PDSS2: variants seen among roughly 807,000 people sequenced by gnomAD.
The protein encoded by PDSS2 is decaprenyl diphosphate synthase subunit 2.
In PDSS2, 31 loss-of-function variants were observed where a neutral mutation model predicts 44.5. The ratio of observed to expected loss-of-function variants is 0.70; its 90% CI spans 0.52 to 0.94. The LOEUF (loss-of-function observed/expected upper bound fraction) is 0.94. PDSS2 is among the 40% of genes least tolerant of loss of function. The probability of loss-of-function intolerance (pLI) is 0.00; values close to 1 mark genes in which losing one functional copy is unlikely to be tolerated. For missense variants in PDSS2, 452 were observed against 482.2 expected (o/e 0.94, Z 0.59); for synonymous variants, 157 against 180.3 (o/e 0.87, Z 1.03).
In PDSS2 at chr6:107,154,290, C is replaced by CT; in HGVS notation, c.*328dup. The CT allele has an allele frequency of 1.4e-5, 5 of 348,908 alleles. No homozygotes were observed. The highest frequency in any genetic ancestry group is 1.2e-4 in the South Asian group (5 of 41,200). The allele number at this position is 348,908 out of a possible 1,614,324, so 21.6% of individuals were successfully genotyped here. ...GCAGGAAAAACCACAGGCCACCGCC[C>CT]TGGCGCCATCCCTGGCTCGGTCCAA... On this transcript the variant is annotated 3_prime_UTR_variant, in exon 8 of 8. Transcript: ENST00000369037.
In PDSS2 at chr6:107,228,707, TAAATAAATAAATAAAC is replaced by T. The variant is rs1183556539; in HGVS notation, c.703-16441_703-16426del. Among the ~76,000 whole-genome samples, 42 of 111,754 alleles carry T rather than the reference TAAATAAATAAATAAAC, an allele frequency of 3.8e-4. 1 individual carries two copies. Among genetic ancestry groups the T allele is most frequent in the Admixed American group, 1.5e-3 (16 of 10,596 alleles). The allele number at this position is 111,754 out of a possible 152,430, so 73.3% of individuals were successfully genotyped here. ...GAGACTCTATCTCAAAATAAATAAA[TAAATAAATAAATAAAC>T]AAACAAACAAACAAACAAACAAACA... On this transcript the variant is annotated intron_variant, in intron 4 of 7. Coordinates refer to ENST00000369037, the MANE Select transcript of PDSS2 (RefSeq NM_020381.4).
intron 1 of PDSS2, among the ~76,000 whole-genome samples, chr6:107,364,702 G>T (rs1007428217): frequency 6.6e-6 from 1 of 151,876 alleles, no homozygotes. Flanking sequence ...ACAGTGCAGT[G>T]GGGGGGCTGA....
intron 2 of PDSS2, among the ~76,000 whole-genome samples, chr6:107,320,833 G>A (rs2115170248): frequency 6.6e-6 from 1 of 152,288 alleles, no homozygotes; most frequent in South Asian, 2.1e-4. Flanking sequence ...ATAACCTGAT[G>A]TCTGTCCACT....
chr6:107,209,134 T>C (rs1773110651), intron 6 of PDSS2, among the ~76,000 whole-genome samples: 1 of 152,210 alleles, frequency 6.6e-6, no homozygotes, highest in South Asian at 2.1e-4. Context: ...TTATAGTGCT[T>C]TGAAAAACAT....
intron 1 of PDSS2, among the ~76,000 whole-genome samples, chr6:107,382,945 A>G (rs1779497408): frequency 6.6e-6 from 1 of 152,144 alleles, no homozygotes; most frequent in Non-Finnish European, 1.5e-5. Flanking sequence ...GTATGGGGAC[A>G]ACTGGGTAGC....
chr6:107,272,881 C>T (rs912947451), intron 3 of PDSS2, among the ~76,000 whole-genome samples: 3 of 152,046 alleles, frequency 2.0e-5, no homozygotes, highest in Non-Finnish European at 4.4e-5. Flanking sequence ...TCGCTTGAGC[C>T]CAGGAGTTTG....
At chr6:107,217,267 G>A (rs1470767218) in intron 4 of PDSS2, among the ~76,000 whole-genome samples, 1 of 152,144 alleles carries the variant, frequency 6.6e-6, no homozygotes, top group Non-Finnish European at 1.5e-5. Context: ...AGGCAAAAGG[G>A]ACTATACAGA....
At chr6:107,422,264 C>A (rs189374681) in intron 1 of PDSS2, among the ~76,000 whole-genome samples, 19 of 151,970 alleles carry the variant, frequency 1.3e-4, no homozygotes, top group Admixed American at 2.6e-4. Flanking sequence ...CATTAGTATT[C>A]AAATACTAAT....
At chr6:107,288,295 G>A (rs191692424) in intron 2 of PDSS2, among the ~76,000 whole-genome samples, 2 of 152,156 alleles carry the variant, frequency 1.3e-5, no homozygotes, top group African/African-American at 4.8e-5. Context: ...TTCAAAAGTT[G>A]GTAAGTGCAA....
chr6:107,341,522 T>A (rs1431071420), intron 1 of PDSS2, among the ~76,000 whole-genome samples: 1 of 152,016 alleles, frequency 6.6e-6, no homozygotes, highest in Admixed American at 6.5e-5. Flanking sequence ...AACTGACAGA[T>A]GAGCTTTTAG....
chr6:107,449,885 A>C (rs1781809706), intron 1 of PDSS2, among the ~76,000 whole-genome samples: 1 of 152,046 alleles, frequency 6.6e-6, no homozygotes, highest in African/African-American at 2.4e-5. Flanking sequence ...CTTGTTTTTT[A>C]AGGCTGAATA....
intron 1 of PDSS2, among the ~76,000 whole-genome samples, chr6:107,420,580 T>C (rs371793137): frequency 5.3e-5 from 8 of 152,028 alleles, no homozygotes; most frequent in South Asian, 2.1e-4. Context: ...GGAGGGAAAA[T>C]AGTCTTTTCA....
At chr6:107,246,830 A>G (rs1427921101) in intron 3 of PDSS2, among the ~76,000 whole-genome samples, 3 of 152,150 alleles carry the variant, frequency 2.0e-5, no homozygotes, top group Admixed American at 2.0e-4. Context: ...CTCTTTAAGG[A>G]TGGTTTAATT....
intron 1 of PDSS2, among the ~76,000 whole-genome samples, chr6:107,437,525 C>CAAAAA: frequency 7.9e-6 from 1 of 126,722 alleles, no homozygotes; most frequent in Non-Finnish European, 1.6e-5. Context: ...ACCCTGTCTC[C>CAAAAA]AAAAAAAAAA....
At chr6:107,404,641 C>A (rs1780249823) in intron 1 of PDSS2, among the ~76,000 whole-genome samples, 1 of 152,130 alleles carries the variant, frequency 6.6e-6, no homozygotes, top group African/African-American at 2.4e-5. Flanking sequence ...ATTTATAAAA[C>A]CATCAGATCT....
At chr6:107,274,843 T>G (rs935994123) in intron 2 of PDSS2, among the ~76,000 whole-genome samples, 2 of 151,954 alleles carry the variant, frequency 1.3e-5, no homozygotes, top group East Asian at 3.9e-4. Flanking sequence ...TGGCTAACTT[T>G]TGTATTTTTG....
At chr6:107,421,010 A>T (rs573114056) in intron 1 of PDSS2, among the ~76,000 whole-genome samples, 18 of 152,302 alleles carry the variant, frequency 1.2e-4, no homozygotes, top group South Asian at 2.1e-4. Flanking sequence ...GGAAACAAAC[A>T]GTCTATTTGA....
At chr6:107,427,234 T>C (rs187231360) in intron 1 of PDSS2, among the ~76,000 whole-genome samples, 1 of 152,324 alleles carries the variant, frequency 6.6e-6, no homozygotes, top group African/African-American at 2.4e-5. Context: ...GGAGTTTACC[T>C]GCACAATCTC....
chr6:107,448,833 G>A (rs907870734), intron 1 of PDSS2, among the ~76,000 whole-genome samples: 9 of 152,114 alleles, frequency 5.9e-5, no homozygotes, highest in African/African-American at 1.9e-4. Context: ...TTGGCAGAAG[G>A]TGCCTCTTCA....
Sources: allele counts gnomAD v4.1 joint callset (sites outside exome capture counted in the v4.1 genomes callset), GRCh38; gene constraint gnomAD v4.1.1; transcripts MANE v1.5; gene names NCBI Gene and HGNC (gene_info 2026-07-23, HGNC 2026-07-21).